VPS9D1: variants seen among roughly 807,000 people sequenced by gnomAD.
VPS9D1 encodes the protein VPS9 domain-containing protein 1.
In VPS9D1, 78 loss-of-function variants were observed where a neutral mutation model predicts 75.8. That is an observed-to-expected ratio of 1.03 (90% confidence interval 0.86 to 1.24). The LOEUF (loss-of-function observed/expected upper bound fraction) is 1.24. VPS9D1 is among the 50% of genes most tolerant of loss of function. The pLI is 0.00. For missense variants in VPS9D1, 1,057 were observed against 847.7 expected (o/e 1.25, Z -3.07); for synonymous variants, 481 against 385.6 (o/e 1.25, Z -2.90).
intron 4 of VPS9D1, 38 bp from the exon 5 acceptor site, chr16:89,712,754 G>A (rs2060966223): frequency 1.3e-6 from 2 of 1,493,126 alleles, no homozygotes; most frequent in Non-Finnish European, 1.8e-6. Flanking sequence ...ACCCCAGGAA[G>A]CCCAGTGGTG....
intron 2 of VPS9D1, chr16:89,717,935 T>C (rs1567553257): frequency 5.4e-6 from 2 of 370,624 alleles, no homozygotes; most frequent in East Asian, 1.5e-4. Flanking sequence ...TCCCCCGACC[T>C]CTGTGCTCCC....
In VPS9D1 at chr16:89,710,687, A is replaced by G. The variant is rs1220572782; in HGVS notation, c.1157T>C (p.Phe386Ser). 1 of 1,611,172 alleles carries G rather than the reference A, an allele frequency of 6.2e-7. No individual in the cohort carries two copies. The highest frequency in any genetic ancestry group is 1.3e-5 in the African/African-American group (1 of 74,902). The change falls in exon 10 of 15, where the codon TTC becomes TCC. Residue 386 changes from phenylalanine (F) to serine (S), a missense_variant. Physicochemically the swap from Phe to Ser is radical, Grantham distance 155. Coordinates refer to ENST00000389386, the MANE Select transcript of VPS9D1 (RefSeq NM_004913.3). ...KDSSFEDLEQ[F>S]LGTSERQGRG... Reference sequence around the variant, plus strand: ...GCCCTGCCGCTCAGACGTCCCCAGGAACTGCTCCAGGTCCTCGAACGAGCT... The same window carrying G: ...GCCCTGCCGCTCAGACGTCCCCAGGGACTGCTCCAGGTCCTCGAACGAGCT...
At chr16:89,711,159 A>G in intron 9 of VPS9D1, 149 bp from the exon 10 acceptor site, 2 of 1,155,632 alleles carry the variant, frequency 1.7e-6, no homozygotes, top group South Asian at 1.6e-5. Context: ...CCCGCTGGGG[A>G]GGTTGGAGAA....
chr16:89,708,881 G>A lies in VPS9D1; in HGVS notation c.1673C>T (p.Pro558Leu). ...CATGGCAGCTGCAGCGATGGGCGGG[G>A]GCCCGGCCTGGGGTGTGGCCTCTGG... The part of the protein sequence containing the change: ...PTPEATPQAG[P>L]PPIAAAAIGA... Residue 558 changes from proline to leucine, a missense_variant, in exon 13 of 15, where the codon CCC (proline) becomes CTC (leucine). Pro to Leu is a moderately conservative substitution (Grantham distance 98). Transcript: ENST00000389386. The A allele has an allele frequency of 6.3e-7, 1 of 1,586,290 alleles. No individual in the cohort carries two copies. Among genetic ancestry groups the A allele is most frequent in the Non-Finnish European group, 8.5e-7 (1 of 1,172,540 alleles).
intron 6 of VPS9D1, 89 bp downstream of exon 6, chr16:89,712,371 C>T: frequency 6.4e-7 from 1 of 1,572,674 alleles, no homozygotes; most frequent in Non-Finnish European, 8.6e-7. Context: ...CCGGAACCTC[C>T]GCTCCCCTCG....
chr16:89,715,972 G>A (rs1048634089), intron 4 of VPS9D1, among the ~76,000 whole-genome samples: 13 of 151,152 alleles, frequency 8.6e-5, no homozygotes, highest in African/African-American at 2.2e-4. Context: ...CCACCAGGCC[G>A]CCTGCATTTG....
chr16:89,712,294 C>T (rs2060950391), intron 6 of VPS9D1, 166 bp downstream of exon 6: 7 of 1,321,196 alleles, frequency 5.3e-6, no homozygotes, highest in South Asian at 1.3e-5. Context: ...TGGGGGACGG[C>T]GGCCGGGCCT....
rs758410732 is a variant in VPS9D1 at position 89,709,799 on chromosome 16, G to A, written c.1366C>T (p.Pro456Ser). 9.3e-6 allele frequency: 15 copies of A among 1,613,700 alleles called. No individual in the cohort carries two copies. The highest frequency in any genetic ancestry group is 4.5e-5 in the East Asian group (2 of 44,894). ...TACCTGTACAGGGCCAGCAGCAGAG[G>A]CCACAGCGGGGAGAAAAAGGGTTCC... Reference protein sequence around the residue: ...IEEPFFSPLWPLLLALYRSVH... With the variant: ...IEEPFFSPLWSLLLALYRSVH... The change falls in exon 11 of 15, where the codon CCT becomes TCT. Residue 456 changes from proline to serine, a missense_variant. Transcript: ENST00000389386.
intron 13 of VPS9D1, among the ~76,000 whole-genome samples, 156 bp from the exon 14 acceptor site, chr16:89,708,687 T>C (rs2060844584): frequency 1.3e-5 from 2 of 152,212 alleles, no homozygotes; most frequent in Non-Finnish European, 2.9e-5. Context: ...AGGCTGTCCC[T>C]AAAGGGAGCT....
At chr16:89,718,953 G>A in intron 2 of VPS9D1, 74 bp downstream of exon 2, 1 of 1,334,116 alleles carries the variant, frequency 7.5e-7, no homozygotes, top group Middle Eastern at 1.9e-4. Flanking sequence ...GACCTCAGGT[G>A]ATAGCCCGCC....
In VPS9D1 at chr16:89,720,607, C is replaced by T. The variant is rs2061234267; in HGVS notation, c.99+156G>A. On this transcript the variant is annotated intron_variant, in intron 1 of 14. Coordinates refer to ENST00000389386, the MANE Select transcript of VPS9D1 (RefSeq NM_004913.3). ...GGTCACTGCACGCCCGGCTGCGCCC[C>T]GCCCCCGTCCTCGCCCGGGAACCGC... 15 of 1,229,514 alleles carry T rather than the reference C, an allele frequency of 1.2e-5. No individual in the cohort carries two copies. In the South Asian group the frequency reaches 4.4e-4, roughly 36 times the overall value. The allele number at this position is 1,229,514 out of a possible 1,614,324, so 76.2% of individuals were successfully genotyped here.
intron 1 of VPS9D1, among the ~76,000 whole-genome samples, chr16:89,720,093 G>A (rs1177941245): frequency 6.6e-6 from 1 of 152,164 alleles, no homozygotes; most frequent in Admixed American, 6.6e-5. Flanking sequence ...AGAGAAAGAC[G>A]AAATATAATC....
intron 8 of VPS9D1, 82 bp from the exon 9 acceptor site, chr16:89,711,494 C>A: frequency 7.3e-7 from 1 of 1,362,868 alleles, no homozygotes; most frequent in South Asian, 1.4e-5. Context: ...GTGCCGACCC[C>A]TAGAGACTGT....
At chr16:89,711,613 C>G (rs1022834983) in intron 8 of VPS9D1, 2 of 657,676 alleles carry the variant, frequency 3.0e-6, no homozygotes, top group Non-Finnish European at 5.1e-6. Flanking sequence ...GGCCTGCACC[C>G]TCGCTGGGAC....
In VPS9D1 at chr16:89,710,614, G is replaced by T; in HGVS notation, c.1230C>A (p.Thr410=). 1 of 1,607,230 alleles carries T rather than the reference G, an allele frequency of 6.2e-7. No individual in the cohort carries two copies. The highest frequency in any genetic ancestry group is 8.5e-7 in the Non-Finnish European group (1 of 1,175,364). Residue 410 remains threonine (T), a synonymous_variant, in exon 10 of 15, where the codon ACC becomes ACA. Transcript: ENST00000389386. ...QPEPQLQQLK[T]AVEEIHNAVD... is the part of the protein sequence containing the mutation. ...CGGCATTGTGGATCTCCTCCACCGC[G>T]GTCTTCAGCTGCTGCAGCTGGGGCT...
At chr16:89,712,971 G>A (rs1367898896) in intron 4 of VPS9D1, 2 of 323,492 alleles carry the variant, frequency 6.2e-6, no homozygotes, top group East Asian at 5.9e-5. Flanking sequence ...GATCACCTGA[G>A]GTCAGGAGTT....
intron 2 of VPS9D1, chr16:89,718,256 C>T (rs2151641621): frequency 2.7e-6 from 1 of 367,234 alleles, no homozygotes; most frequent in Admixed American, 3.5e-5. Context: ...AGGCCGTTTA[C>T]TGCTCCCATC....
At chr16:89,711,238 C>A in intron 9 of VPS9D1, 89 bp downstream of exon 9, 1 of 1,409,354 alleles carries the variant, frequency 7.1e-7, no homozygotes, top group Non-Finnish European at 9.8e-7. Context: ...CTCCCTGTGT[C>A]AGTCCAGCCC....
Position 89,709,361 on chromosome 16 carries a change from A to G in VPS9D1, c.1463T>C (p.Ile488Thr), listed in dbSNP as rs1291183374. 21 of 1,578,398 alleles carry G rather than the reference A, an allele frequency of 1.3e-5. No homozygotes were observed. Among genetic ancestry groups the G allele is most frequent in the Admixed American group, 8.8e-5 (5 of 56,586 alleles). The part of the protein sequence containing the change: ...ELYRNAPPTA[I>T]GIPTKLLPQN... ...GGGGAGGAGCTTGGTGGGGATGCCA[A>G]TGGCGGTGGGGGGTGCATTCCTGTA... Residue 488 changes from isoleucine (I) to threonine (T), a missense_variant, in exon 12 of 15, where the codon ATT becomes ACT. Coordinates refer to ENST00000389386, the MANE Select transcript of VPS9D1 (RefSeq NM_004913.3).
Sources: gnomAD v4.1 joint callset for allele counts (sites outside exome capture counted in the v4.1 genomes callset) on GRCh38, gnomAD v4.1.1 for gene constraint, MANE v1.5 for transcripts, NCBI Gene and HGNC (gene_info 2026-07-23, HGNC 2026-07-21) for gene names.